The following PLPPR1 variants were observed in gnomAD, a reference collection of about 807,000 sequenced individuals.
PLPPR1 encodes the protein phospholipid phosphatase-related protein type 1.
In PLPPR1, 10 loss-of-function variants were observed where a neutral mutation model predicts 33.1. The ratio of observed to expected loss-of-function variants is 0.30; its 90% CI spans 0.19 to 0.51. PLPPR1 has a LOEUF of 0.51. PLPPR1 is among the 20% of genes least tolerant of loss of function. The pLI, the probability that PLPPR1 is intolerant of heterozygous loss-of-function variation, is 0.97. For synonymous variants in PLPPR1, 151 were observed against 151.0 expected (o/e 1.00, Z 0.00); for missense variants, 304 against 408.1 (o/e 0.74, Z 2.20).
At chr9:101,169,149 C>A (rs796887872) in intron 1 of PLPPR1, among the ~76,000 whole-genome samples, 1 of 152,206 alleles carries the variant, frequency 6.6e-6, no homozygotes, top group African/African-American at 2.4e-5. Flanking sequence ...TTGCTGGGGA[C>A]TTTCCCAATG....
At chr9:101,197,295 A>C (rs2118740084) in intron 2 of PLPPR1, among the ~76,000 whole-genome samples, 1 of 152,226 alleles carries the variant, frequency 6.6e-6, no homozygotes, top group South Asian at 2.1e-4. Context: ...CTAGTATTAT[A>C]CTTTCTCCAC....
At chr9:101,181,703 C>T (rs1357467782) in intron 1 of PLPPR1, among the ~76,000 whole-genome samples, 2 of 82,730 alleles carry the variant, frequency 2.4e-5, no homozygotes, top group Non-Finnish European at 5.2e-5. Flanking sequence ...TACATATATA[C>T]ACACACCAAA....
intron 2 of PLPPR1, among the ~76,000 whole-genome samples, chr9:101,224,142 G>T (rs912493471): frequency 9.2e-5 from 14 of 152,098 alleles, no homozygotes; most frequent in Non-Finnish European, 1.6e-4. Flanking sequence ...CTGTGCCATA[G>T]TCTCTGGCAA....
At chr9:101,302,862 G>A (rs1001785480) in intron 4 of PLPPR1, among the ~76,000 whole-genome samples, 1 of 152,200 alleles carries the variant, frequency 6.6e-6, no homozygotes, top group Non-Finnish European at 1.5e-5. Flanking sequence ...TTTTGAAAAC[G>A]AGAAAATGTT....
At chr9:101,078,321 G>C (rs1038057487) in intron 1 of PLPPR1, among the ~76,000 whole-genome samples, 11 of 150,716 alleles carry the variant, frequency 7.3e-5, no homozygotes, top group East Asian at 2.0e-4. Context: ...AGCAGGTCCT[G>C]TTCAGAGTAG....
chr9:101,255,018 T>C (rs1473737264), intron 2 of PLPPR1, among the ~76,000 whole-genome samples: 1 of 152,204 alleles, frequency 6.6e-6, no homozygotes, highest in African/African-American at 2.4e-5. Context: ...CATTTGCCTA[T>C]ATTCTCATCA....
chr9:101,179,264 T>A (rs1393137430), intron 1 of PLPPR1, among the ~76,000 whole-genome samples: 2 of 152,106 alleles, frequency 1.3e-5, no homozygotes, highest in Admixed American at 6.5e-5. Flanking sequence ...CCTTCAGGAA[T>A]GAAGGTTTGG....
chr9:101,127,567 T>C (rs1250415376), intron 1 of PLPPR1, among the ~76,000 whole-genome samples: 1 of 152,222 alleles, frequency 6.6e-6, no homozygotes, highest in Non-Finnish European at 1.5e-5. Context: ...GAGCAGGTTC[T>C]TTTAACTCAA....
chr9:101,310,155 C>G (rs1828930167), intron 5 of PLPPR1, among the ~76,000 whole-genome samples: 1 of 152,166 alleles, frequency 6.6e-6, no homozygotes, highest in African/African-American at 2.4e-5. Flanking sequence ...AATGGTGTCT[C>G]TCTTATTTTC....
At chr9:101,245,687 C>T (rs1827579983) in intron 2 of PLPPR1, among the ~76,000 whole-genome samples, 1 of 151,850 alleles carries the variant, frequency 6.6e-6, no homozygotes, top group Non-Finnish European at 1.5e-5. Context: ...CTTTTGTTTT[C>T]TCTGGAACCA....
chr9:101,174,974 G>A (rs2118696507), intron 1 of PLPPR1, among the ~76,000 whole-genome samples: 1 of 152,272 alleles, frequency 6.6e-6, no homozygotes, highest in South Asian at 2.1e-4. Flanking sequence ...ACGAGAGTTT[G>A]TGCATAATGA....
intron 2 of PLPPR1, among the ~76,000 whole-genome samples, chr9:101,232,176 G>A (rs986217508): frequency 1.3e-5 from 2 of 152,098 alleles, no homozygotes; most frequent in East Asian, 1.9e-4. Context: ...TTCTGGTGCC[G>A]TTTTATTTTT....
At chr9:101,285,816 A>C (rs551409152) in intron 3 of PLPPR1, among the ~76,000 whole-genome samples, 92 of 152,300 alleles carry the variant, frequency 6.0e-4, no homozygotes, top group African/African-American at 2.1e-3. Flanking sequence ...ATTCAATCCC[A>C]GCATGAACCT....
rs1588125282 is a variant in PLPPR1 at position 101,319,158 on chromosome 9, C to T, written c.945+1662C>T. Among the ~76,000 whole-genome samples, 7 of 152,310 alleles carry T rather than the reference C, an allele frequency of 4.6e-5. No individual in the cohort carries two copies. The South Asian group carries it at 1.5e-3, about 32-fold the overall frequency. ...AACGATTATTAACTATGACATCTCT[C>T]TAAGACAAACTACCCTATGCTCTTT... On this transcript the variant is annotated intron_variant, in intron 7 of 7. Transcript: ENST00000374874.
At chr9:101,047,188 A>C (rs144353950) in intron 1 of PLPPR1, among the ~76,000 whole-genome samples, 2,554 of 152,290 alleles carry the variant, frequency 0.017, 69 homozygotes, top group African/African-American at 0.057. Context: ...TTTTACTCTG[A>C]GATTCCCCTC....
chr9:101,135,400 C>A (rs927325576), intron 1 of PLPPR1, among the ~76,000 whole-genome samples: 2 of 152,166 alleles, frequency 1.3e-5, no homozygotes, highest in African/African-American at 4.8e-5. Flanking sequence ...ATCACTTGCA[C>A]TTTTTACTGT....
chr9:101,053,508 C>T (rs1477719590), intron 1 of PLPPR1, among the ~76,000 whole-genome samples: 2 of 152,094 alleles, frequency 1.3e-5, no homozygotes, highest in Admixed American at 1.3e-4. Flanking sequence ...AATTTTATGT[C>T]CTCTGTGGAA....
At chr9:101,054,381 C>T (rs1291571006) in intron 1 of PLPPR1, among the ~76,000 whole-genome samples, 1 of 150,182 alleles carries the variant, frequency 6.7e-6, no homozygotes, top group Non-Finnish European at 1.5e-5. Flanking sequence ...TTTTCAAGCC[C>T]CTCTCATGCA....
chr9:101,108,451 G>T (rs528178415), intron 1 of PLPPR1, among the ~76,000 whole-genome samples: 45 of 152,296 alleles, frequency 3.0e-4, no homozygotes, highest in African/African-American at 1.1e-3. Context: ...ATAAAGAAAT[G>T]ATTATGCAAT....
Sources: allele counts gnomAD v4.1 joint callset (sites outside exome capture counted in the v4.1 genomes callset), GRCh38; gene constraint gnomAD v4.1.1; transcripts MANE v1.5; gene names NCBI Gene and HGNC (gene_info 2026-07-23, HGNC 2026-07-21).